TENM1: variants seen among roughly 807,000 people sequenced by gnomAD.
TENM1 encodes teneurin-1.
In TENM1, 35 loss-of-function variants were observed where a neutral mutation model predicts 174.8. The ratio of observed to expected loss-of-function variants is 0.20; its 90% CI spans 0.15 to 0.27. The LOEUF is 0.27. TENM1 is among the 10% of genes least tolerant of loss of function. TENM1 has a pLI of 1.00. For synonymous variants in TENM1, 781 were observed against 798.7 expected (o/e 0.98, Z 0.37); for missense variants, 1,633 against 2,130.1 (o/e 0.77, Z 4.59).
intron 4 of TENM1, among the ~76,000 whole-genome samples, chrX:124,714,024 TTAATGA>T (rs1163955151): frequency 1.8e-5 from 2 of 112,273 alleles, no homozygotes; most frequent in East Asian, 5.6e-4. Context: ...ATAATTGCTG[TTAATGA>T]TAATGGCAAC....
chrX:124,901,284 T>A (rs1201279420), intron 1 of TENM1, among the ~76,000 whole-genome samples: 4 of 110,550 alleles, frequency 3.6e-5, no homozygotes, highest in Admixed American at 2.9e-4. Flanking sequence ...ACCTTAGACA[T>A]CTACTAATGC....
intron 5 of TENM1, among the ~76,000 whole-genome samples, chrX:124,691,140 A>G (rs1451397718): frequency 9.0e-6 from 1 of 111,536 alleles, no homozygotes; most frequent in Admixed American, 9.5e-5. Flanking sequence ...GATGCACAAA[A>G]CAGTATTGGA....
chrX:124,986,956 T>C, the TENM1 span, among the ~76,000 whole-genome samples: 1 of 111,716 alleles, frequency 9.0e-6, no homozygotes, highest in Admixed American at 9.5e-5. Context: ...GTAGGACTTC[T>C]TAAGATGCTA....
intron 5 of TENM1, among the ~76,000 whole-genome samples, chrX:124,686,453 G>A (rs756915068): frequency 3.6e-5 from 4 of 111,951 alleles, no homozygotes; most frequent in South Asian, 3.7e-4. Context: ...TCAGCCATTC[G>A]ACAATATATA....
the TENM1 span, among the ~76,000 whole-genome samples, chrX:124,970,158 C>A: frequency 9.0e-6 from 1 of 111,429 alleles, no homozygotes; most frequent in East Asian, 2.8e-4. Context: ...TATTTTCTTT[C>A]CGTTTCTCAT....
At chrX:124,505,782 G>A (rs186620617) in intron 18 of TENM1, among the ~76,000 whole-genome samples, 8 of 111,406 alleles carry the variant, frequency 7.2e-5, no homozygotes, top group Non-Finnish European at 1.3e-4. Flanking sequence ...ATAACTCTAG[G>A]GAGTTCACTG....
intron 3 of TENM1, among the ~76,000 whole-genome samples, chrX:124,776,766 G>A (rs1191838928): frequency 9.0e-6 from 1 of 111,315 alleles, no homozygotes; most frequent in African/African-American, 3.3e-5. Flanking sequence ...AATTAGATGG[G>A]CTGGACACAC....
the TENM1 span, among the ~76,000 whole-genome samples, chrX:125,054,122 C>A: frequency 1.8e-5 from 2 of 111,383 alleles, no homozygotes; most frequent in Admixed American, 1.9e-4. Context: ...CCAAGATCAA[C>A]TAAATCTATA....
chrX:125,176,732 A>G, the TENM1 span, among the ~76,000 whole-genome samples: 1 of 111,919 alleles, frequency 8.9e-6, no homozygotes, highest in African/African-American at 3.2e-5. Context: ...CCAAATGACA[A>G]AATGACTTAC....
At chrX:125,199,318 A>G in the TENM1 span, among the ~76,000 whole-genome samples, 4 of 112,039 alleles carry the variant, frequency 3.6e-5, no homozygotes, top group African/African-American at 6.5e-5. Context: ...CCAGAGAAAA[A>G]GTATTAACCT....
chrX:124,584,111 G>T (rs1427110632), intron 11 of TENM1, among the ~76,000 whole-genome samples: 1 of 110,580 alleles, frequency 9.0e-6, no homozygotes, highest in Admixed American at 9.6e-5. Flanking sequence ...AAAATGCTCT[G>T]CAGGATATTA....
intron 1 of TENM1, among the ~76,000 whole-genome samples, chrX:124,923,321 T>TC (rs2058049063): frequency 8.9e-6 from 1 of 111,905 alleles, no homozygotes; most frequent in Non-Finnish European, 1.9e-5. Flanking sequence ...TGGCATATCT[T>TC]CATCTGTTCC....
chrX:124,534,391 CTT>C (rs1343192973), intron 15 of TENM1, among the ~76,000 whole-genome samples: 1 of 112,003 alleles, frequency 8.9e-6, no homozygotes, highest in Non-Finnish European at 1.9e-5. Flanking sequence ...TATTTGTTGT[CTT>C]TTGTCTTCGG....
intron 27 of TENM1, among the ~76,000 whole-genome samples, chrX:124,397,340 C>T (rs1219794520): frequency 1.8e-5 from 2 of 111,760 alleles, no homozygotes; most frequent in East Asian, 5.6e-4. Context: ...TTTTGACCTA[C>T]ACAAAGGGCA....
chrX:125,160,709 A>G, the TENM1 span, among the ~76,000 whole-genome samples: 334 of 109,937 alleles, frequency 3.0e-3, 1 homozygote, highest in South Asian at 0.016. Context: ...ACTTATCTAT[A>G]TGCTTCAAGA....
chrX:124,977,965 TGTGAGA>T, the TENM1 span, among the ~76,000 whole-genome samples: 147 of 14,566 alleles, frequency 0.01, no homozygotes, highest in East Asian at 0.067. Flanking sequence ...TGTGTGTGTG[TGTGAGA>T]GAGAGAGAGA....
chrX:125,196,423 C>A, the TENM1 span, among the ~76,000 whole-genome samples: 1 of 111,634 alleles, frequency 9.0e-6, no homozygotes, highest in African/African-American at 3.2e-5. Context: ...GTCAGCCCCA[C>A]ACACATAAAC....
chrX:124,562,541 G>C (rs2148163715), intron 13 of TENM1, among the ~76,000 whole-genome samples: 1 of 112,795 alleles, frequency 8.9e-6, no homozygotes, highest in South Asian at 3.6e-4. Context: ...GAATTATAGA[G>C]AACTGGAAAA....
At chrX:125,191,571 G>A in the TENM1 span, among the ~76,000 whole-genome samples, 1 of 112,083 alleles carries the variant, frequency 8.9e-6, no homozygotes, top group South Asian at 3.7e-4. Flanking sequence ...AATGAAGTAA[G>A]AAAGTAAACC....
Sources: allele counts gnomAD v4.1 joint callset (sites outside exome capture counted in the v4.1 genomes callset), GRCh38; gene constraint gnomAD v4.1.1; transcripts MANE v1.5; gene names NCBI Gene and HGNC (gene_info 2026-07-23, HGNC 2026-07-21).